DMD: variants seen among roughly 807,000 people sequenced by gnomAD.
DMD encodes the protein dystrophin.
In DMD, 63 loss-of-function variants were observed where a neutral mutation model predicts 330.1. The observed-to-expected ratio is 0.19, with a 90% CI of 0.16 to 0.24. The LOEUF (loss-of-function observed/expected upper bound fraction) is 0.24, where lower values mean the gene tolerates loss of function less well. Among genes scored for constraint, DMD ranks in the 10% least tolerant of loss-of-function variants. The pLI is 1.00. For missense variants in DMD, 3,344 were observed against 2,684.1 expected, an observed-to-expected ratio of 1.25 and a Z score of -5.43; for synonymous variants, 1,223 against 959.8, an observed-to-expected ratio of 1.27 and a Z score of -5.07.
intron 71 of DMD, among the ~76,000 whole-genome samples, chrX:31,176,892 A>G (rs1002655602): frequency 9.0e-6 from 1 of 111,627 alleles, no homozygotes; most frequent in Non-Finnish European, 1.9e-5. Flanking sequence ...ATAAACCTCA[A>G]TTAATAATAT....
intron 41 of DMD, among the ~76,000 whole-genome samples, chrX:32,330,246 C>A (rs2097672590): frequency 8.9e-6 from 1 of 112,026 alleles, no homozygotes; most frequent in Admixed American, 9.5e-5. Context: ...ATTTCAAAAG[C>A]AACTGGATCA....
intron 51 of DMD, among the ~76,000 whole-genome samples, chrX:31,733,688 G>A (rs376117245): frequency 9.0e-6 from 1 of 111,602 alleles, no homozygotes; most frequent in Non-Finnish European, 1.9e-5. Flanking sequence ...TCTAGTTACC[G>A]AAAGGGTTTT....
intron 62 of DMD, among the ~76,000 whole-genome samples, chrX:31,262,004 C>G (rs56130635): frequency 0.091 from 10,118 of 111,783 alleles, 487 homozygotes; most frequent in Middle Eastern, 0.13. Flanking sequence ...TGGGGCATTT[C>G]CAGAGGACCA....
chrX:32,650,385 C>T (rs2060067880), intron 9 of DMD, among the ~76,000 whole-genome samples: 1 of 111,431 alleles, frequency 9.0e-6, no homozygotes, highest in Non-Finnish European at 1.9e-5. Context: ...GAGTCTAAGT[C>T]AATGCATGGA....
At chrX:32,211,485 A>C (rs1377892201) in intron 44 of DMD, among the ~76,000 whole-genome samples, 2 of 112,070 alleles carry the variant, frequency 1.8e-5, no homozygotes, top group African/African-American at 6.5e-5. Flanking sequence ...TAGGTTATGG[A>C]GCAGTAAAAC....
intron 7 of DMD, among the ~76,000 whole-genome samples, chrX:32,738,857 G>T (rs929843885): frequency 2.7e-5 from 3 of 111,726 alleles, no homozygotes; most frequent in Non-Finnish European, 5.6e-5. Flanking sequence ...AAGGAGAGGT[G>T]TGAAATTCAC....
intron 33 of DMD, among the ~76,000 whole-genome samples, chrX:32,386,096 C>T (rs1382643792): frequency 3.6e-5 from 4 of 109,681 alleles, no homozygotes; most frequent in African/African-American, 1.3e-4. Context: ...AATGAGAATT[C>T]CACATCGAAA....
rs552275776 is a variant in DMD, at chrX:32,491,330, G to A, written c.2569C>T (p.Pro857Ser). Residue 857 changes from proline (P) to serine (S), a missense_variant, in exon 20 of 79, where the codon CCC (proline) becomes TCC (serine). By Grantham distance (74) the Pro-to-Ser change is moderately conservative. Coordinates refer to ENST00000357033, the MANE Select transcript of DMD (RefSeq NM_004006.3). ...TTAENWLKIQ[P>S]TTPSEPTAIK... is the part of the protein sequence containing the mutation. The stretch of plus-strand genomic sequence containing the variant: ...GCTGTTGGCTCTGATGGGGTGGTGG[G>A]TTGGATTTTCAACCAGTTTTCAGCA... The A allele has an allele frequency of 4.6e-4, 558 of 1,209,669 alleles. 4 individuals carry two copies. The South Asian group carries it at 9.4e-3, about 20-fold the overall frequency.
intron 34 of DMD, among the ~76,000 whole-genome samples, chrX:32,374,211 G>C (rs2097891956): frequency 1.8e-5 from 2 of 110,689 alleles, no homozygotes; most frequent in Non-Finnish European, 3.8e-5. Context: ...TTATTCTTTT[G>C]TCAGATGCAA....
intron 57 of DMD, among the ~76,000 whole-genome samples, chrX:31,494,460 C>CA (rs2147045284): frequency 9.0e-6 from 1 of 111,707 alleles, no homozygotes; most frequent in South Asian, 3.8e-4. Context: ...GTATAAAACA[C>CA]AGAGTAATCA....
chrX:33,308,296 A>T (rs975874059), intron 1 of DMD, among the ~76,000 whole-genome samples: 1 of 112,135 alleles, frequency 8.9e-6, no homozygotes, highest in East Asian at 2.8e-4. Flanking sequence ...TCTTTGCCCA[A>T]CTTTGGCATT....
At chrX:31,920,882 C>A (rs1316627357) in intron 47 of DMD, among the ~76,000 whole-genome samples, 1 of 112,144 alleles carries the variant, frequency 8.9e-6, no homozygotes, top group Non-Finnish European at 1.9e-5. Context: ...ATAGTGGCAA[C>A]AATGAAGTTT....
At chrX:33,338,460 A>AAAATAAGT in intron 1 of DMD, among the ~76,000 whole-genome samples, 1 of 102,254 alleles carries the variant, frequency 9.8e-6, no homozygotes, top group South Asian at 4.4e-4. Flanking sequence ...ATTAAAGGGC[A>AAAATAAGT]AAATAAATAA....
intron 30 of DMD, among the ~76,000 whole-genome samples, chrX:32,398,765 C>A (rs7881940): frequency 0.18 from 20,467 of 110,712 alleles, 1,751 homozygotes; most frequent in African/African-American, 0.33. Context: ...GGAACTGCAG[C>A]AGACCCAGAA....
At chrX:32,130,912 C>T (rs1325549857) in intron 44 of DMD, among the ~76,000 whole-genome samples, 1 of 112,001 alleles carries the variant, frequency 8.9e-6, no homozygotes, top group African/African-American at 3.3e-5. Context: ...ATGCCAGGTG[C>T]GCTGGCTCAT....
chrX:31,988,728 A>G (rs1569528180), intron 44 of DMD, among the ~76,000 whole-genome samples: 1 of 110,333 alleles, frequency 9.1e-6, no homozygotes, highest in Non-Finnish European at 1.9e-5. Context: ...AGTGATATTT[A>G]GAGAAATTAT....
intron 55 of DMD, among the ~76,000 whole-genome samples, chrX:31,568,935 T>C (rs185894976): frequency 6.4e-4 from 72 of 111,758 alleles, no homozygotes; most frequent in Non-Finnish European, 1.1e-3. Context: ...TGTATAGTTT[T>C]TTAGTGGTCT....
chrX:33,011,316 C>T (rs1459546707), intron 2 of DMD, among the ~76,000 whole-genome samples: 4 of 111,454 alleles, frequency 3.6e-5, no homozygotes, highest in African/African-American at 1.3e-4. Flanking sequence ...CCTCTCACAA[C>T]CTCTCTTCTT....
intron 9 of DMD, among the ~76,000 whole-genome samples, chrX:32,649,509 A>T (rs2059995791): frequency 9.6e-6 from 1 of 103,942 alleles, no homozygotes; most frequent in South Asian, 4.5e-4. Context: ...TGAGCCGAGA[A>T]AGCGCCACTG....
Sources: allele counts gnomAD v4.1 joint callset (sites outside exome capture counted in the v4.1 genomes callset), GRCh38; gene constraint gnomAD v4.1.1; transcripts MANE v1.5; gene names NCBI Gene and HGNC (gene_info 2026-07-23, HGNC 2026-07-21).